FLT3: variants seen among roughly 807,000 people sequenced by gnomAD.
FLT3 encodes the protein receptor-type tyrosine-protein kinase FLT3.
In FLT3, 46 loss-of-function variants were observed where a neutral mutation model predicts 126.6. The ratio of observed to expected loss-of-function variants is 0.36; its 90% confidence interval spans 0.29 to 0.46. The LOEUF is 0.46. FLT3 is among the 20% of genes least tolerant of loss of function. FLT3 has a pLI of 1.00. For synonymous variants in FLT3, 404 were observed against 434.4 expected, an observed-to-expected ratio of 0.93 and a Z score of 0.87; for missense variants, 1,069 against 1,190.3, an observed-to-expected ratio of 0.90 and a Z score of 1.50.
intron 1 of FLT3, among the ~76,000 whole-genome samples, chr13:28,071,104 C>T (rs111331965): frequency 0.01 from 1,498 of 146,968 alleles, 24 homozygotes; most frequent in African/African-American, 0.035. Context: ...AAGTGATTCT[C>T]CTGTCTCAGC....
intron 23 of FLT3, among the ~76,000 whole-genome samples, chr13:28,012,296 G>T (rs1224251622): frequency 6.6e-6 from 1 of 152,076 alleles, no homozygotes; most frequent in African/African-American, 2.4e-5. Flanking sequence ...TACCTGACAG[G>T]CCCCCTGAAC....
At chr13:28,046,452 T>C (rs996942726) in intron 9 of FLT3, among the ~76,000 whole-genome samples, 1 of 152,188 alleles carries the variant, frequency 6.6e-6, no homozygotes, top group African/African-American at 2.4e-5. Context: ...ACTTCAAGCC[T>C]TGTACATCAT....
intron 2 of FLT3, among the ~76,000 whole-genome samples, chr13:28,062,508 G>A (rs775357114): frequency 1.1e-4 from 16 of 151,874 alleles, no homozygotes; most frequent in African/African-American, 3.1e-4. Context: ...TTTGGGACGC[G>A]GAGGCAGGCA....
chr13:28,097,047 C>G (rs1315369414), intron 1 of FLT3, among the ~76,000 whole-genome samples: 1 of 151,724 alleles, frequency 6.6e-6, no homozygotes, highest in Non-Finnish European at 1.5e-5. Flanking sequence ...CTCATCTCTA[C>G]CAAAAAATTT....
At chr13:28,013,010 GT>G (rs1431828360) in intron 23 of FLT3, among the ~76,000 whole-genome samples, 19 of 151,820 alleles carry the variant, frequency 1.3e-4, no homozygotes, top group Admixed American at 1.2e-3. Flanking sequence ...CTCACTTCCT[GT>G]TTCATTCTAA....
chr13:28,050,279 T>C, intron 5 of FLT3, 57 bp from the exon 6 acceptor site: 1 of 1,560,170 alleles, frequency 6.4e-7, no homozygotes, highest in South Asian at 1.1e-5. Context: ...TACAAATGAA[T>C]GCTCAAGAGG....
chr13:28,061,816 A>C, intron 3 of FLT3, 51 bp downstream of exon 3: 1 of 1,475,382 alleles, frequency 6.8e-7, no homozygotes, highest in Non-Finnish European at 9.4e-7. Context: ...AACTTGAAAC[A>C]AAATTCCAAA....
At chr13:28,045,658 G>T (rs373978727) in intron 9 of FLT3, among the ~76,000 whole-genome samples, 1 of 152,034 alleles carries the variant, frequency 6.6e-6, no homozygotes, top group Admixed American at 6.6e-5. Context: ...TCAGGAGTTC[G>T]AGAACAGCCT....
intron 1 of FLT3, among the ~76,000 whole-genome samples, chr13:28,095,702 A>ATGTC (rs1879407253): frequency 1.3e-5 from 2 of 152,184 alleles, no homozygotes; most frequent in Non-Finnish European, 2.9e-5. Flanking sequence ...GATTAAGGCA[A>ATGTC]TGTCTGGTAG....
At chr13:28,027,291 T>C in intron 16 of FLT3, 50 bp from the exon 17 acceptor site, 1 of 1,487,544 alleles carries the variant, frequency 6.7e-7, no homozygotes, top group Non-Finnish European at 9.3e-7. Flanking sequence ...CAAACTGTTA[T>C]TTCAGAAGTC....
intron 2 of FLT3, among the ~76,000 whole-genome samples, chr13:28,065,400 G>C (rs1178616509): frequency 6.6e-6 from 1 of 152,112 alleles, no homozygotes; most frequent in Admixed American, 6.5e-5. Flanking sequence ...CCAGGACTTT[G>C]TGAGGCCAAG....
chr13:28,083,389 C>A (rs946669055), intron 1 of FLT3, among the ~76,000 whole-genome samples: 2 of 152,044 alleles, frequency 1.3e-5, no homozygotes, highest in Non-Finnish European at 2.9e-5. Flanking sequence ...TCATTGAATT[C>A]AATTTGTTAA....
intron 20 of FLT3, among the ~76,000 whole-genome samples, chr13:28,016,692 C>T (rs1871896642): frequency 6.6e-6 from 1 of 152,182 alleles, no homozygotes; most frequent in East Asian, 1.9e-4. Flanking sequence ...TTGATTCATG[C>T]AGGCAAGTCT....
At chr13:28,032,444 T>C (rs1873427600) in intron 15 of FLT3, among the ~76,000 whole-genome samples, 1 of 152,024 alleles carries the variant, frequency 6.6e-6, no homozygotes, top group African/African-American at 2.4e-5. Context: ...GCCCCATCTC[T>C]ACCAAAAATA....
In FLT3 at chr13:28,052,125, G is replaced by A. The variant is rs564934899; in HGVS notation, c.614+420C>T. On this transcript the variant is annotated intron_variant, in intron 5 of 23. Transcript: ENST00000241453. The stretch of plus-strand genomic sequence containing the variant: ...TATTTATTTTTTGAGACGGAGTTTC[G>A]CTCTTGTTGCCCAGGCTGGAGTGCA... Among the ~76,000 whole-genome samples the A allele has an allele frequency of 4.0e-5, 6 of 151,104 alleles. No homozygotes were observed. In the East Asian group the frequency reaches 5.9e-4, roughly 15 times the overall value.
chr13:28,033,952 T>C lies in FLT3; in HGVS notation c.1877A>G (p.Asn626Ser), dbSNP rs933572533. 3.7e-6 allele frequency: 6 copies of C among 1,614,090 alleles called. No homozygotes were observed. The East Asian group carries it at 1.3e-4, about 36-fold the overall frequency. ...TTTGCTAATTCCATAAGCTGTTGCG[T>C]TCATCACTTTTCCAAAAGCACCTGA... ...LGSGAFGKVMNATAYGISKTG... is the reference protein window; with the variant it reads ...LGSGAFGKVMSATAYGISKTG... Residue 626 changes from asparagine (N) to serine (S), a missense_variant, in exon 15 of 24, where the codon AAC becomes AGC. Transcript: ENST00000241453.
chr13:28,032,948 C>T (rs1000402186), intron 15 of FLT3, among the ~76,000 whole-genome samples: 3 of 152,092 alleles, frequency 2.0e-5, no homozygotes, highest in Non-Finnish European at 4.4e-5. Flanking sequence ...GCGGTGGTAA[C>T]GGTGAGGCCA....
At chr13:28,097,359 C>T (rs1879525751) in intron 1 of FLT3, among the ~76,000 whole-genome samples, 1 of 152,168 alleles carries the variant, frequency 6.6e-6, no homozygotes, top group Non-Finnish European at 1.5e-5. Context: ...TATCTGAAGT[C>T]TTCCCTTGGA....
chr13:28,042,146 AAATAATAATAATAAT>A (rs57260336), intron 9 of FLT3, among the ~76,000 whole-genome samples: 28 of 134,744 alleles, frequency 2.1e-4, no homozygotes, highest in Admixed American at 3.9e-4. Flanking sequence ...CCTCCATCCG[AAATAATAATAATAAT>A]AATAATAATA....
Sources: gnomAD v4.1 joint callset for allele counts (sites outside exome capture counted in the v4.1 genomes callset) on GRCh38, gnomAD v4.1.1 for gene constraint, MANE v1.5 for transcripts, NCBI Gene and HGNC (gene_info 2026-07-23, HGNC 2026-07-21) for gene names.